The following PLCH1 variants were observed in gnomAD, a reference collection of about 807,000 sequenced individuals.
The protein encoded by PLCH1 is 1-phosphatidylinositol 4,5-bisphosphate phosphodiesterase eta-1.
In PLCH1, 60 loss-of-function variants were observed where a neutral mutation model predicts 126.7. The ratio of observed to expected loss-of-function variants is 0.47; its 90% CI spans 0.38 to 0.59. The LOEUF (loss-of-function observed/expected upper bound fraction) is 0.59. Ranked by LOEUF, PLCH1 falls within the 20% of genes least tolerant of loss-of-function variation. The pLI is 0.00. For synonymous variants in PLCH1, 719 were observed against 734.9 expected (o/e 0.98, Z 0.35); for missense variants, 1,723 against 2,040.0 (o/e 0.84, Z 2.99).
At chr3:155,451,183 G>T (rs908149174) in intron 21 of PLCH1, among the ~76,000 whole-genome samples, 8 of 151,564 alleles carry the variant, frequency 5.3e-5, no homozygotes, top group Non-Finnish European at 1.0e-4. Context: ...AAATATAGAA[G>T]AAATAACAGA....
intron 4 of PLCH1, 45 bp downstream of exon 4, chr3:155,593,896 A>T: frequency 6.3e-7 from 1 of 1,598,064 alleles, no homozygotes; most frequent in Non-Finnish European, 8.6e-7. Context: ...ACACGCATAC[A>T]CAGAGAGCAA....
intron 18 of PLCH1, among the ~76,000 whole-genome samples, chr3:155,492,405 A>G (rs1229325526): frequency 6.6e-6 from 1 of 152,206 alleles, no homozygotes; most frequent in Admixed American, 6.5e-5. Context: ...TATTAACGGA[A>G]CATTGCCTTT....
intron 11 of PLCH1, among the ~76,000 whole-genome samples, chr3:155,518,841 G>A (rs2108266410): frequency 6.6e-6 from 1 of 152,340 alleles, no homozygotes; most frequent in Middle Eastern, 3.4e-3. Flanking sequence ...CAAAGAGGCA[G>A]AGACTTCAAG....
intron 2 of PLCH1, among the ~76,000 whole-genome samples, chr3:155,667,968 C>G (rs1016780496): frequency 1.3e-5 from 2 of 149,702 alleles, no homozygotes; most frequent in Non-Finnish European, 3.0e-5. Context: ...GCCTGTAATC[C>G]CAGCTACTCA....
intron 10 of PLCH1, among the ~76,000 whole-genome samples, chr3:155,544,246 G>C (rs1724855677): frequency 6.6e-6 from 1 of 152,154 alleles, no homozygotes; most frequent in African/African-American, 2.4e-5. Flanking sequence ...CCTAGTCTCT[G>C]ATAAAACAGA....
intron 10 of PLCH1, among the ~76,000 whole-genome samples, chr3:155,527,330 C>T (rs1231042930): frequency 5.3e-5 from 8 of 152,210 alleles, no homozygotes; most frequent in Admixed American, 5.2e-4. Flanking sequence ...TTAAGTATTC[C>T]TGCTCTGCAC....
At chr3:155,610,328 T>C (rs1577133359) in intron 2 of PLCH1, among the ~76,000 whole-genome samples, 1 of 120,582 alleles carries the variant, frequency 8.3e-6, no homozygotes, top group Non-Finnish European at 1.6e-5. Flanking sequence ...GCCATTGCAC[T>C]CCAGCCTGGG....
At chr3:155,622,789 C>T (rs1271566111) in intron 2 of PLCH1, among the ~76,000 whole-genome samples, 1 of 152,116 alleles carries the variant, frequency 6.6e-6, no homozygotes, top group Non-Finnish European at 1.5e-5. Context: ...TACAAAGAGA[C>T]TTACACTCCC....
At chr3:155,709,299 G>A (rs906836796) in intron 1 of PLCH1, among the ~76,000 whole-genome samples, 1 of 152,178 alleles carries the variant, frequency 6.6e-6, no homozygotes, top group Admixed American at 6.5e-5. Flanking sequence ...TAATACCAAG[G>A]AGGGTGACTG....
At chr3:155,458,952 G>A (rs1334560042) in intron 21 of PLCH1, among the ~76,000 whole-genome samples, 1 of 152,118 alleles carries the variant, frequency 6.6e-6, no homozygotes, top group Non-Finnish European at 1.5e-5. Context: ...TAAAACAGTA[G>A]CACAAAAGCT....
chr3:155,741,055 C>T (rs1749585536), intron 1 of PLCH1, among the ~76,000 whole-genome samples: 1 of 152,196 alleles, frequency 6.6e-6, no homozygotes, highest in Non-Finnish European at 1.5e-5. Context: ...CTACGAAGCA[C>T]AGAAGACAGA....
At chr3:155,701,989 C>A (rs1480718278) in intron 2 of PLCH1, among the ~76,000 whole-genome samples, 1 of 152,094 alleles carries the variant, frequency 6.6e-6, no homozygotes, top group African/African-American at 2.4e-5. Flanking sequence ...GGAGTTGATT[C>A]TTTTAATCTT....
At chr3:155,588,411 C>T (rs1005646934) in intron 4 of PLCH1, among the ~76,000 whole-genome samples, 8 of 152,108 alleles carry the variant, frequency 5.3e-5, no homozygotes, top group Non-Finnish European at 8.8e-5. Flanking sequence ...TTTCAAGGCA[C>T]GCAGCACCCA....
chr3:155,504,635 A>C lies in PLCH1; in HGVS notation c.1633-9T>G. 6.4e-7 allele frequency: 1 copy of C among 1,559,080 alleles called. No homozygotes were observed. The highest frequency in any genetic ancestry group is 8.8e-7 in the Non-Finnish European group (1 of 1,130,002). On this transcript the variant is annotated splice_polypyrimidine_tract_variant and intron_variant, in intron 12 of 22. Coordinates refer to ENST00000460012, the MANE Select transcript of PLCH1 (RefSeq NM_014996.4). ...TCCTTTACATCTGGACTCTGAATAA[A>C]TAAAGGCATAATATAACTATTTATC...
intron 10 of PLCH1, among the ~76,000 whole-genome samples, chr3:155,545,400 C>G (rs1490515273): frequency 6.6e-6 from 1 of 151,458 alleles, no homozygotes; most frequent in South Asian, 2.1e-4. Context: ...TAATCAATAG[C>G]TTACCAACCA....
At chr3:155,610,060 CT>C (rs1426518471) in intron 2 of PLCH1, among the ~76,000 whole-genome samples, 3 of 152,054 alleles carry the variant, frequency 2.0e-5, no homozygotes, top group Non-Finnish European at 4.4e-5. Flanking sequence ...AGGAAATTAA[CT>C]GCAAAAAGAC....
chr3:155,539,825 T>G (rs1723974492), intron 10 of PLCH1, among the ~76,000 whole-genome samples: 1 of 152,104 alleles, frequency 6.6e-6, no homozygotes, highest in Admixed American at 6.6e-5. Context: ...AAAAGCAATC[T>G]ATAAATTCTA....
intron 2 of PLCH1, among the ~76,000 whole-genome samples, chr3:155,638,038 T>C (rs544074982): frequency 7.9e-5 from 12 of 152,208 alleles, no homozygotes; most frequent in Non-Finnish European, 1.6e-4. Context: ...ATGATAAACA[T>C]CACTCAGCTT....
chr3:155,559,672 A>G (rs59567840), intron 8 of PLCH1, among the ~76,000 whole-genome samples: 79,319 of 152,174 alleles, frequency 0.52, 22,943 homozygotes, highest in Non-Finnish European at 0.66. Flanking sequence ...ATAAAAAATT[A>G]CATATCCTTC....
Sources: gnomAD v4.1 joint callset for allele counts (sites outside exome capture counted in the v4.1 genomes callset) on GRCh38, gnomAD v4.1.1 for gene constraint, MANE v1.5 for transcripts, NCBI Gene and HGNC (gene_info 2026-07-23, HGNC 2026-07-21) for gene names.